PCM1: variants seen among roughly 807,000 people sequenced by gnomAD.
PCM1 encodes the protein pericentriolar material 1 protein.
PCM1 carries 157 observed loss-of-function variants against 241.9 expected under a neutral mutation model. The ratio of observed to expected loss-of-function variants is 0.65; its 90% CI spans 0.57 to 0.74. The LOEUF (loss-of-function observed/expected upper bound fraction) is 0.74. PCM1 is among the 30% of genes least tolerant of loss of function. PCM1 has a pLI of 0.00. For synonymous variants in PCM1, 1,085 were observed against 784.9 expected, an observed-to-expected ratio of 1.38 and a Z score of -6.39; for missense variants, 3,478 against 2,360.1, an observed-to-expected ratio of 1.47 and a Z score of -9.81.
In PCM1 at chr8:17,932,550, A is replaced by G. The variant is rs191434312; in HGVS notation, c.-22-3039A>G. ...TTTTTGCAAACTACTTGTTTTGCTT[A>G]TATTTCTCCGGTTTTATTTTTTTAA... On this transcript the variant is annotated intron_variant, in intron 2 of 38. Coordinates refer to ENST00000325083, the MANE Select transcript of PCM1 (RefSeq NM_006197.4). Among the ~76,000 whole-genome samples the G allele has an allele frequency of 1.0e-3, 159 of 151,914 alleles. 1 individual carries two copies. The highest frequency in any genetic ancestry group is 3.0e-3 in the African/African-American group (126 of 41,472).
Position 17,962,180 on chromosome 8 carries a change from G to C in PCM1, c.2463+6G>C. On this transcript the variant is annotated splice_donor_region_variant and intron_variant, in intron 16 of 38. Transcript: ENST00000325083. ...CTTCAATAGTAGATAATGAGGTATT[G>C]TAAATTGTACTCTCTTGTTCCTGAG... The C allele has an allele frequency of 6.3e-7, 1 of 1,596,140 alleles. No homozygotes were observed.
intron 3 of PCM1, among the ~76,000 whole-genome samples, chr8:17,936,519 A>G (rs1412215143): frequency 6.6e-6 from 1 of 152,196 alleles, no homozygotes; most frequent in Non-Finnish European, 1.5e-5. Flanking sequence ...GTAATTCCAT[A>G]TTAGCTGTTA....
intron 6 of PCM1, among the ~76,000 whole-genome samples, chr8:17,943,988 C>T (rs941922224): frequency 1.3e-5 from 2 of 152,124 alleles, no homozygotes. Context: ...TATTTTAAGA[C>T]ATGATGACAT....
rs1238631946 is a variant in PCM1, at chr8:18,010,630, C to G, written c.5182C>G (p.His1728Asp). ...AAAGGCTAAAAGGATTCTTGAAGAT[C>G]ATGGCTCACCTGCTGGAGAGATTGA... ...AKEAKRILED[H>D]GSPAGEIDDE... The change falls in exon 32 of 39, where the codon CAT (histidine) becomes GAT (aspartate). Residue 1728 changes from histidine (H) to aspartate (D), a missense_variant. Coordinates refer to ENST00000325083, the MANE Select transcript of PCM1 (RefSeq NM_006197.4). 1.2e-6 allele frequency: 2 copies of G among 1,602,518 alleles called. No homozygotes were observed. The highest frequency in any genetic ancestry group is 1.7e-5 in the Admixed American group (1 of 58,658).
chr8:17,976,608 T>C (rs1342437812), intron 23 of PCM1, among the ~76,000 whole-genome samples: 1 of 152,198 alleles, frequency 6.6e-6, no homozygotes, highest in Admixed American at 6.5e-5. Flanking sequence ...GACCTTAACC[T>C]CTCTGCGCTC....
chr8:18,014,883 C>T, intron 36 of PCM1, 43 bp downstream of exon 36: 2 of 1,485,368 alleles, frequency 1.3e-6, no homozygotes, highest in African/African-American at 2.8e-5. Context: ...CTTTTCATTT[C>T]TGTGCATATT....
intron 38 of PCM1, among the ~76,000 whole-genome samples, chr8:18,026,981 T>C (rs2094275009): frequency 6.6e-6 from 1 of 152,212 alleles, no homozygotes; most frequent in Non-Finnish European, 1.5e-5. Flanking sequence ...AGCGATAGTC[T>C]CAGATTTTCT....
rs1218904746 is a variant in PCM1, at chr8:17,952,651, A to G, written c.1072-319A>G. 2.0e-5 allele frequency among the ~76,000 whole-genome samples: 3 copies of G among 152,328 alleles called. No individual in the cohort carries two copies. In the East Asian group the frequency reaches 5.8e-4, roughly 29 times the overall value. Reference sequence around the variant, plus strand: ...AAGTAGTCTAGAGCTGATCTGAAGTATATAGGAGGATGTGTGTAGATTATG... The same window carrying G: ...AAGTAGTCTAGAGCTGATCTGAAGTGTATAGGAGGATGTGTGTAGATTATG... On this transcript the variant is annotated intron_variant, in intron 8 of 38. Transcript: ENST00000325083.
intron 6 of PCM1, among the ~76,000 whole-genome samples, chr8:17,942,701 A>C (rs1351194539): frequency 1.3e-5 from 2 of 151,936 alleles, no homozygotes; most frequent in Non-Finnish European, 2.9e-5. Context: ...TCCACATAAA[A>C]AGAGTTTGAA....
intron 27 of PCM1, among the ~76,000 whole-genome samples, chr8:17,990,808 C>A (rs1459340460): frequency 6.6e-6 from 1 of 152,094 alleles, no homozygotes; most frequent in African/African-American, 2.4e-5. Context: ...TAGCCTTGCC[C>A]TATCATTACA....
At chr8:17,955,851 T>G (rs761108414) in intron 10 of PCM1, 198 bp downstream of exon 10, 2 of 582,044 alleles carry the variant, frequency 3.4e-6, no homozygotes, top group Non-Finnish European at 6.1e-6. Context: ...TAACATAGTT[T>G]CTGTGAACTG....
intron 31 of PCM1, among the ~76,000 whole-genome samples, chr8:18,010,390 C>A (rs1282055101): frequency 2.0e-5 from 3 of 152,172 alleles, no homozygotes; most frequent in African/African-American, 7.2e-5. Context: ...CCATTTCACA[C>A]TTTTCATGAT....
rs1355900492 is a variant in PCM1 at position 17,966,071 on chromosome 8, C to G, written c.2928C>G (p.Ile976Met). 1 of 1,613,842 alleles carries G rather than the reference C, an allele frequency of 6.2e-7. No homozygotes were observed. The highest frequency in any genetic ancestry group is 1.1e-5 in the South Asian group (1 of 91,068). The part of the protein sequence containing the change: ...RPLAKTRQQN[I>M]SMQRQENLRW... ...TAGCCAAGACAAGGCAACAGAATAT[C>G]AGCATGCAACGGCAAGAAAACCTTC... The change falls in exon 19 of 39, where the codon ATC becomes ATG. Residue 976 changes from isoleucine (I) to methionine (M), a missense_variant. Transcript: ENST00000325083.
Position 17,966,191 on chromosome 8 carries a change from T to C in PCM1, c.3048T>C (p.Ile1016=), listed in dbSNP as rs1162245908. ...LKKQLDFSVS[I]CQTLMQDQQT... is the part of the protein sequence containing the mutation. ...AACAGCTTGATTTTAGTGTCAGTAT[T>C]TGTCAGACTTTGATGCAAGACCAGC... Residue 1016 remains isoleucine (I), a synonymous_variant, in exon 19 of 39, where the codon ATT becomes ATC. Transcript: ENST00000325083. 6.8e-6 allele frequency: 11 copies of C among 1,613,710 alleles called. No individual in the cohort carries two copies. The highest frequency in any genetic ancestry group is 1.6e-4 in the Middle Eastern group (1 of 6,084).
intron 7 of PCM1, among the ~76,000 whole-genome samples, chr8:17,947,667 G>T (rs898627569): frequency 1.3e-5 from 2 of 152,182 alleles, no homozygotes; most frequent in Admixed American, 1.3e-4. Context: ...TAAGGCTCAT[G>T]ATGCGTTTAT....
chr8:18,004,394 C>G (rs1370035611), intron 29 of PCM1, among the ~76,000 whole-genome samples: 2 of 152,152 alleles, frequency 1.3e-5, no homozygotes, highest in African/African-American at 2.4e-5. Flanking sequence ...CTTTTAAGCG[C>G]TACTAGCATA....
intron 24 of PCM1, chr8:17,983,210 CT>C: frequency 7.8e-7 from 1 of 1,288,824 alleles, no homozygotes; most frequent in Non-Finnish European, 1.0e-6. Flanking sequence ...TATGTTCATC[CT>C]TATGTCTGCC....
intron 34 of PCM1, among the ~76,000 whole-genome samples, chr8:18,012,943 A>T (rs2092705243): frequency 6.6e-6 from 1 of 152,094 alleles, no homozygotes; most frequent in African/African-American, 2.4e-5. Flanking sequence ...TCACAGAAGC[A>T]TTACCTTCCG....
chr8:17,926,571 C>T (rs2057046881), intron 2 of PCM1: 1 of 152,144 alleles, frequency 6.6e-6, no homozygotes, highest in Non-Finnish European at 1.5e-5. Context: ...CATTTCCCCA[C>T]TTTTTGACAG....
Sources: allele counts gnomAD v4.1 joint callset (sites outside exome capture counted in the v4.1 genomes callset), GRCh38; gene constraint gnomAD v4.1.1; transcripts MANE v1.5; gene names NCBI Gene and HGNC (gene_info 2026-07-23, HGNC 2026-07-21).